The following FPGS variants were observed in gnomAD, a reference collection of about 807,000 sequenced individuals.
FPGS encodes folylpolyglutamate synthase.
A neutral mutation model predicts 66.5 loss-of-function variants in FPGS; 53 were observed. That is an observed-to-expected ratio of 0.80 (90% CI 0.64 to 1.00). FPGS has a LOEUF of 1.00. Among genes scored for constraint, FPGS ranks in the 50% least tolerant of loss-of-function variants. The pLI is 0.00. For missense variants in FPGS, 702 were observed against 807.7 expected, an observed-to-expected ratio of 0.87 and a Z score of 1.59; for synonymous variants, 348 against 350.9, an observed-to-expected ratio of 0.99 and a Z score of 0.09.
chr9:127,803,066 T>G lies in FPGS; in HGVS notation c.138+4T>G. 1 of 1,393,388 alleles carries G rather than the reference T, an allele frequency of 7.2e-7. No individual in the cohort carries two copies. The highest frequency in any genetic ancestry group is 9.3e-7 in the Non-Finnish European group (1 of 1,079,590). The allele number at this position is 1,393,388 out of a possible 1,614,324, so 86.3% of individuals were successfully genotyped here. A position where few individuals can be genotyped will look rare whatever the true frequency, so the allele number is the denominator to read the frequency against. ...GGAGCCGAGCATGGAGTACCAGGTA[T>G]CAGGCGGGCCAGCGGGCCAGCGGGC... On this transcript the variant is annotated splice_donor_region_variant and intron_variant, in intron 1 of 14. Coordinates refer to ENST00000373247, the MANE Select transcript of FPGS (RefSeq NM_004957.6).
intron 14 of FPGS, among the ~76,000 whole-genome samples, chr9:127,811,747 A>G (rs1285508323): frequency 6.6e-6 from 1 of 152,040 alleles, no homozygotes; most frequent in African/African-American, 2.4e-5. Flanking sequence ...CAGCCTCCCA[A>G]AGTGCTGGGA....
At chr9:127,808,950 T>A in intron 11 of FPGS, 61 bp downstream of exon 11, 1 of 1,139,322 alleles carries the variant, frequency 8.8e-7, no homozygotes, top group Non-Finnish European at 1.2e-6. Flanking sequence ...CTTCAGATTT[T>A]TTTTTTTTTT....
chr9:127,809,879 AG>A (rs1829990191), intron 12 of FPGS, 45 bp downstream of exon 12: 2 of 549,940 alleles, frequency 3.6e-6, no homozygotes, highest in Non-Finnish European at 5.7e-6. Context: ...GCCCACGAGG[AG>A]GGGCGGGATC....
At chr9:127,806,711 A>C in intron 4 of FPGS, 1 of 497,480 alleles carries the variant, frequency 2.0e-6, no homozygotes. Flanking sequence ...AGCCCATAGA[A>C]TGTGCAAGAC....
rs1183342789 is a variant in FPGS, at chr9:127,804,619, A to G, written c.322-17A>G. 4 of 1,613,944 alleles carry G rather than the reference A, an allele frequency of 2.5e-6. No individual in the cohort carries two copies. The highest frequency in any genetic ancestry group is 2.7e-5 in the African/African-American group (2 of 74,896). ...TGGTGGAGTAGAGCCTGCCCAGACAATCCCTTTTCTTTCAAGGGCTCCACC... is the reference window on the plus strand; with the variant it reads ...TGGTGGAGTAGAGCCTGCCCAGACAGTCCCTTTTCTTTCAAGGGCTCCACC... On this transcript the variant is annotated splice_polypyrimidine_tract_variant and intron_variant, in intron 3 of 14. Coordinates refer to ENST00000373247, the MANE Select transcript of FPGS (RefSeq NM_004957.6).
chr9:127,808,107 A>AAAAAG (rs1030041217), intron 8 of FPGS, 127 bp from the exon 9 acceptor site: 5 of 720,452 alleles, frequency 6.9e-6, no homozygotes, highest in East Asian at 5.3e-5. Flanking sequence ...CTTCATCTCG[A>AAAAAG]AAAAGAAAAG....
At chr9:127,811,744 C>A (rs1240070768) in intron 14 of FPGS, among the ~76,000 whole-genome samples, 1 of 152,052 alleles carries the variant, frequency 6.6e-6, no homozygotes, top group Non-Finnish European at 1.5e-5. Flanking sequence ...CCTCAGCCTC[C>A]CAAAGTGCTG....
At chr9:127,804,173 G>A (rs1417529015) in intron 1 of FPGS, 112 bp from the exon 2 acceptor site, 14 of 1,359,982 alleles carry the variant, frequency 1.0e-5, no homozygotes, top group Middle Eastern at 3.9e-4. Context: ...CATGGCAGGC[G>A]GGCCTGGTAC....
At position 127,807,058 on chromosome 9, in the gene FPGS, C is replaced by T. The variant is rs1182040267; in HGVS notation, c.472C>T (p.Arg158Cys). 8.7e-6 allele frequency: 14 copies of T among 1,613,982 alleles called. No homozygotes were observed. Among genetic ancestry groups the T allele is most frequent in the Admixed American group, 3.3e-5 (2 of 59,988 alleles). Residue 158 changes from arginine (R) to cysteine (C), a missense_variant, in exon 5 of 15, where the codon CGC (arginine) becomes TGC (cysteine). Physicochemically the swap from Arg to Cys is radical, Grantham distance 180 (BLOSUM62 -3). Transcript: ENST00000373247. The surrounding 1 kb of genome is among the most constrained non-coding windows in gnomAD (Gnocchi z 5.8). Reference sequence around the variant, plus strand: ...TGAGCTCTTCACCAAGTACTTCTGGCGCCTCTACCACCGGCTGGAGGAGAC... The same window carrying T: ...TGAGCTCTTCACCAAGTACTTCTGGTGCCTCTACCACCGGCTGGAGGAGAC... ...SPELFTKYFW[R>C]LYHRLEETKD...
At position 127,813,341 on chromosome 9, in the gene FPGS, CT is replaced by C; in HGVS notation, c.1503del (p.Leu502TrpfsTer65). 1 of 1,613,066 alleles carries C rather than the reference CT, an allele frequency of 6.2e-7. No homozygotes were observed. Among genetic ancestry groups the C allele is most frequent in the Non-Finnish European group, 8.5e-7 (1 of 1,179,774 alleles). ...SPEPGGSASL[L>X]LAPHPPHTCS... ...AGAGCCCGGTGGGTCCGCATCCCTG[CT>C]TCTGGCGCCCCACCCACCCCACACC... On this transcript the variant is annotated frameshift_variant, in exon 15 of 15. Transcript: ENST00000373247. LOFTEE classifies it high-confidence loss of function.
intron 13 of FPGS, among the ~76,000 whole-genome samples, chr9:127,810,416 C>T (rs901560196): frequency 2.0e-5 from 3 of 152,074 alleles, no homozygotes; most frequent in African/African-American, 4.8e-5. Context: ...GGACGAGAAG[C>T]GGCATTTCCC....
In FPGS at chr9:127,814,043, G is replaced by T; in HGVS notation, c.*439G>T. ...CAGAGGGTGGCTGGAGTGAATTAAA[G>T]CCTTTGTTTTTTAAAGAAATGGCAA... On this transcript the variant is annotated 3_prime_UTR_variant, in exon 15 of 15. Coordinates refer to ENST00000373247, the MANE Select transcript of FPGS (RefSeq NM_004957.6). 6 of 998,856 alleles carry T rather than the reference G, an allele frequency of 6.0e-6. No individual in the cohort carries two copies. The highest frequency in any genetic ancestry group is 7.1e-6 in the Non-Finnish European group (6 of 840,720). 61.9% of individuals were successfully genotyped at this position (998,856 alleles called of 1,614,324 possible). A position where few individuals can be genotyped will look rare whatever the true frequency, so the allele number is the denominator to read the frequency against.
chr9:127,810,087 C>T lies in FPGS; in HGVS notation c.1268C>T (p.Ala423Val), dbSNP rs1486617672. ...GCTACCGGGGACCGGGACCCGGCGG[C>T]CCTGCTGAAGCTGCTGCAGGTGAGG... ...FNATGDRDPAALLKLLQPCQF... is the reference protein window; with the variant it reads ...FNATGDRDPAVLLKLLQPCQF... The change falls in exon 13 of 15, where the codon GCC becomes GTC. Residue 423 changes from alanine (A) to valine (V), a missense_variant. Around this residue, in one of 3 missense-constraint regions of FPGS, gnomAD observed 351 missense variants for 363.7 expected, o/e 0.97. Coordinates refer to ENST00000373247, the MANE Select transcript of FPGS (RefSeq NM_004957.6). 2 of 1,613,170 alleles carry T rather than the reference C, an allele frequency of 1.2e-6. No homozygotes were observed. Among genetic ancestry groups the T allele is most frequent in the Admixed American group, 1.7e-5 (1 of 59,982 alleles).
intron 1 of FPGS, 80 bp downstream of exon 1, chr9:127,803,142 C>T: frequency 7.9e-7 from 1 of 1,270,684 alleles, no homozygotes. Flanking sequence ...CATCCGGGCT[C>T]CGCTAGCCGA....
In FPGS at chr9:127,813,772, C is replaced by T; in HGVS notation, c.*168C>T. On this transcript the variant is annotated 3_prime_UTR_variant, in exon 15 of 15. Transcript: ENST00000373247. ...GGGAGAGGATGTCTTTTTTAAGGCT[C>T]TGTGCCTTGGTCTCTCCTTCCTCTT... The T allele has an allele frequency of 1.5e-6, 2 of 1,312,328 alleles. No individual in the cohort carries two copies. Among genetic ancestry groups the T allele is most frequent in the Non-Finnish European group, 1.9e-6 (2 of 1,037,618 alleles). 81.3% of individuals were successfully genotyped at this position (1,312,328 alleles called of 1,614,324 possible). A position where few individuals can be genotyped will look rare whatever the true frequency, so the allele number is the denominator to read the frequency against.
chr9:127,807,308 C>T lies in FPGS; in HGVS notation c.579+22C>T. 1.9e-6 allele frequency: 3 copies of T among 1,613,884 alleles called. No homozygotes were observed. The South Asian group carries it at 3.3e-5, about 18-fold the overall frequency. ...GAAGGTGTGTGCCCTCTCCCTAGAA[C>T]CCTGCATCTGAGGCCTTGGGAACGG... On this transcript the variant is annotated intron_variant, in intron 6 of 14. Coordinates refer to ENST00000373247, the MANE Select transcript of FPGS (RefSeq NM_004957.6). This position sits in a 1 kb window ranked among gnomAD's most constrained non-coding sequence, Gnocchi z 5.8.
In FPGS at chr9:127,807,099, A is replaced by C. The variant is rs756164407; in HGVS notation, c.501+12A>C. On this transcript the variant is annotated intron_variant, in intron 5 of 14. Coordinates refer to ENST00000373247, the MANE Select transcript of FPGS (RefSeq NM_004957.6). This position sits in a 1 kb window ranked among gnomAD's most constrained non-coding sequence, Gnocchi z 5.8. ...TGGAGGAGACCAAGGTGCCGCATGCAGGAGGGCTGGCGGGTGGGTATGGTT... is the reference window on the plus strand; with the variant it reads ...TGGAGGAGACCAAGGTGCCGCATGCCGGAGGGCTGGCGGGTGGGTATGGTT... 7.4e-6 allele frequency: 12 copies of C among 1,612,610 alleles called. No homozygotes were observed. The highest frequency in any genetic ancestry group is 2.7e-5 in the African/African-American group (2 of 74,890).
chr9:127,810,477 G>A (rs1264590073), intron 13 of FPGS, among the ~76,000 whole-genome samples: 1 of 152,076 alleles, frequency 6.6e-6, no homozygotes, highest in Non-Finnish European at 1.5e-5. Context: ...AGGGGCACCC[G>A]CTTCTCAGGT....
intron 11 of FPGS, 56 bp downstream of exon 11, chr9:127,808,945 GAT>G: frequency 6.3e-6 from 5 of 797,190 alleles, no homozygotes; most frequent in Non-Finnish European, 9.6e-6. Context: ...TGCCCCTTCA[GAT>G]TTTTTTTTTT....
Sources: allele counts gnomAD v4.1 joint callset (sites outside exome capture counted in the v4.1 genomes callset), GRCh38; gene constraint gnomAD v4.1.1; regional missense constraint gnomAD v4.1.1; non-coding constraint Gnocchi (gnomAD v3.1); transcripts MANE v1.5; gene names NCBI Gene and HGNC (gene_info 2026-07-23, HGNC 2026-07-21).